NR6A1: variants seen among roughly 807,000 people sequenced by gnomAD.
NR6A1 encodes nuclear receptor subfamily 6 group A member 1.
NR6A1 carries 7 observed loss-of-function variants against 59.1 expected under a neutral mutation model. The observed-to-expected ratio is 0.12, with a 90% confidence interval of 0.07 to 0.22. NR6A1 has a LOEUF of 0.22. Ranked by LOEUF, NR6A1 falls within the 10% of genes least tolerant of loss-of-function variation. The pLI is 1.00. For synonymous variants in NR6A1, 243 were observed against 236.1 expected, an observed-to-expected ratio of 1.03 and a Z score of -0.27; for missense variants, 468 against 611.6, an observed-to-expected ratio of 0.77 and a Z score of 2.48.
chr9:124,716,903 T>C (rs539641215), intron 2 of NR6A1, among the ~76,000 whole-genome samples: 2 of 152,302 alleles, frequency 1.3e-5, no homozygotes, highest in African/African-American at 2.4e-5. Flanking sequence ...TCTCCAAGTG[T>C]TGATATTACA....
At chr9:124,659,340 C>T (rs1837358681) in intron 2 of NR6A1, among the ~76,000 whole-genome samples, 1 of 152,180 alleles carries the variant, frequency 6.6e-6, no homozygotes, top group Non-Finnish European at 1.5e-5. Context: ...GCGATCGTGA[C>T]TAGATTCTGA....
intron 2 of NR6A1, among the ~76,000 whole-genome samples, chr9:124,614,819 CA>C (rs1210861869): frequency 6.6e-6 from 1 of 152,178 alleles, no homozygotes; most frequent in Non-Finnish European, 1.5e-5. Context: ...CAACTCTGCC[CA>C]AACAGACCTT....
intron 2 of NR6A1, among the ~76,000 whole-genome samples, chr9:124,589,298 T>C (rs1835036436): frequency 6.6e-6 from 1 of 151,980 alleles, no homozygotes; most frequent in East Asian, 1.9e-4. Flanking sequence ...CACAAAAAAT[T>C]AGCCGGGCGC....
At chr9:124,712,240 C>T (rs371856426) in intron 2 of NR6A1, among the ~76,000 whole-genome samples, 1 of 152,084 alleles carries the variant, frequency 6.6e-6, no homozygotes, top group Non-Finnish European at 1.5e-5. Context: ...TTTATGACTA[C>T]ACGAAAAATT....
At chr9:124,590,489 G>T (rs959336179) in intron 2 of NR6A1, among the ~76,000 whole-genome samples, 30 of 152,162 alleles carry the variant, frequency 2.0e-4, no homozygotes. Flanking sequence ...CATCTGTTAA[G>T]CAACATTAAA....
At chr9:124,770,737 G>A (rs142880473) in intron 1 of NR6A1, among the ~76,000 whole-genome samples, 2,403 of 120,456 alleles carry the variant, frequency 0.02, 44 homozygotes, top group African/African-American at 0.029. Flanking sequence ...GTGCAGAGGG[G>A]ACGGGGGGAG....
intron 3 of NR6A1, among the ~76,000 whole-genome samples, chr9:124,553,786 C>A (rs1833852220): frequency 6.6e-6 from 1 of 151,946 alleles, no homozygotes; most frequent in South Asian, 2.1e-4. Context: ...GTTTCCCCTG[C>A]CCCAATTCAC....
At chr9:124,718,575 G>T (rs920137841) in intron 2 of NR6A1, among the ~76,000 whole-genome samples, 28 of 152,088 alleles carry the variant, frequency 1.8e-4, no homozygotes, top group Non-Finnish European at 3.4e-4. Flanking sequence ...AAATGAGAGA[G>T]AATTTTTTAA....
chr9:124,566,627 G>C (rs973792790), intron 2 of NR6A1, among the ~76,000 whole-genome samples: 1 of 152,184 alleles, frequency 6.6e-6, no homozygotes, highest in African/African-American at 2.4e-5. Context: ...TGAAATGTTT[G>C]AACAGGAGCC....
At chr9:124,716,062 G>T (rs1428272791) in intron 2 of NR6A1, among the ~76,000 whole-genome samples, 1 of 152,068 alleles carries the variant, frequency 6.6e-6, no homozygotes, top group Non-Finnish European at 1.5e-5. Context: ...AATTAGCCTG[G>T]CATGGTGGTT....
chr9:124,533,092 G>C (rs77387106), intron 7 of NR6A1, among the ~76,000 whole-genome samples: 155 of 152,340 alleles, frequency 1.0e-3, no homozygotes, highest in African/African-American at 3.6e-3. Flanking sequence ...CCTGCCTGCA[G>C]AGGGCCTGGG....
intron 2 of NR6A1, among the ~76,000 whole-genome samples, chr9:124,701,931 G>A (rs1211221458): frequency 6.6e-6 from 1 of 152,030 alleles, no homozygotes; most frequent in Admixed American, 6.6e-5. Context: ...CACTATGTTG[G>A]CCAGGCTGGT....
chr9:124,551,785 T>TA (rs1833785202), intron 3 of NR6A1, among the ~76,000 whole-genome samples: 1 of 152,228 alleles, frequency 6.6e-6, no homozygotes, highest in South Asian at 2.1e-4. Flanking sequence ...TTTTGTGGTG[T>TA]AAAGTTCTAT....
chr9:124,653,748 A>C (rs1837170385), intron 2 of NR6A1, among the ~76,000 whole-genome samples: 1 of 152,202 alleles, frequency 6.6e-6, no homozygotes, highest in East Asian at 1.9e-4. Flanking sequence ...AAAATAAAAT[A>C]ATGTAGGTCA....
intron 2 of NR6A1, among the ~76,000 whole-genome samples, chr9:124,655,423 G>A (rs1837231309): frequency 6.6e-6 from 1 of 152,136 alleles, no homozygotes; most frequent in East Asian, 1.9e-4. Context: ...TTAGCTAAAT[G>A]TATTCAAAAC....
intron 7 of NR6A1, among the ~76,000 whole-genome samples, chr9:124,529,508 T>C (rs188571710): frequency 1.3e-5 from 2 of 152,254 alleles, no homozygotes; most frequent in Admixed American, 1.3e-4. Context: ...TACCCCAAGG[T>C]TGCACGGGAA....
chr9:124,680,365 G>A (rs1301398265), intron 2 of NR6A1, among the ~76,000 whole-genome samples: 2 of 151,940 alleles, frequency 1.3e-5, no homozygotes, highest in Non-Finnish European at 2.9e-5. Context: ...TAACAATATT[G>A]TCCAATCAAT....
intron 2 of NR6A1, among the ~76,000 whole-genome samples, chr9:124,663,046 C>T (rs887240096): frequency 1.6e-4 from 25 of 152,134 alleles, no homozygotes; most frequent in African/African-American, 6.0e-4. Flanking sequence ...AAATGAAAAT[C>T]CTTAAAGAAA....
At chr9:124,629,359 A>G (rs1412007958) in intron 2 of NR6A1, among the ~76,000 whole-genome samples, 2 of 152,262 alleles carry the variant, frequency 1.3e-5, no homozygotes, top group African/African-American at 4.8e-5. Flanking sequence ...TTATTTAAAT[A>G]TAATTATGAC....
Sources: gnomAD v4.1 joint callset for allele counts (sites outside exome capture counted in the v4.1 genomes callset) on GRCh38, gnomAD v4.1.1 for gene constraint, MANE v1.5 for transcripts, NCBI Gene and HGNC (gene_info 2026-07-23, HGNC 2026-07-21) for gene names.